Variants in DHX16 observed in about 807,000 individuals in gnomAD.
DHX16 encodes the protein pre-mRNA-splicing factor ATP-dependent RNA helicase DHX16.
DHX16 carries 81 observed loss-of-function variants against 131.2 expected under a neutral mutation model. The observed-to-expected ratio is 0.62, with a 90% CI of 0.52 to 0.74. The LOEUF (loss-of-function observed/expected upper bound fraction) is 0.74, where lower values mean the gene tolerates loss of function less well. Among genes scored for constraint, DHX16 ranks in the 30% least tolerant of loss-of-function variants. The pLI is 0.00. For synonymous variants in DHX16, 440 were observed against 520.2 expected (o/e 0.85, Z 2.10); for missense variants, 980 against 1,363.1 (o/e 0.72, Z 4.43).
chr6:30,663,139 G>A (rs1226581892), intron 7 of DHX16, 118 bp from the exon 8 acceptor site: 1 of 835,140 alleles, frequency 1.2e-6, no homozygotes, highest in Non-Finnish European at 1.9e-6. Context: ...GGAAAAGACA[G>A]ATGCTGAAAA....
chr6:30,654,559 A>C (rs1767777975), intron 19 of DHX16, 147 bp downstream of exon 19: 1 of 809,416 alleles, frequency 1.2e-6, no homozygotes. Context: ...CAAAAAAAAC[A>C]AAAAAAAACA....
chr6:30,653,400 CCTT>C, intron 19 of DHX16, 30 bp from the exon 20 acceptor site: 1 of 1,566,666 alleles, frequency 6.4e-7, no homozygotes. Flanking sequence ...AATGGAGTTC[CCTT>C]CTTTCCAACA....
Position 30,656,131 on chromosome 6 carries a change from G to A in DHX16, c.2498+67C>T, listed in dbSNP as rs1767955371. ...TGAACAGAAAAAGACAGACAAAGGG[G>A]ACCCTGGAGACAGAGGAGGCCTGGC... On this transcript the variant is annotated intron_variant, in intron 16 of 19. Transcript: ENST00000376442. The surrounding 1 kb of genome is among the most constrained non-coding windows in gnomAD (Gnocchi z 5.1). 7.6e-6 allele frequency: 11 copies of A among 1,450,872 alleles called. No individual in the cohort carries two copies. The highest frequency in any genetic ancestry group is 1.7e-5 in the Admixed American group (1 of 59,650). 89.9% of individuals were successfully genotyped at this position (1,450,872 alleles called of 1,614,324 possible).
chr6:30,660,255 T>G lies in DHX16; in HGVS notation c.1545-13A>C. The stretch of plus-strand genomic sequence containing the variant: ...CACCATCACCACGCTGGGGAGGGAA[T>G]AGGAGAGCAATGAGGGAAGAGCGCT... On this transcript the variant is annotated splice_polypyrimidine_tract_variant and intron_variant, in intron 9 of 19. Coordinates refer to ENST00000376442, the MANE Select transcript of DHX16 (RefSeq NM_003587.5). 6.6e-7 allele frequency: 1 copy of G among 1,519,586 alleles called. No individual in the cohort carries two copies. Among genetic ancestry groups the G allele is most frequent in the South Asian group, 1.3e-5 (1 of 75,912 alleles). The allele number at this position is 1,519,586 out of a possible 1,614,324, so 94.1% of individuals were successfully genotyped here.
At chr6:30,663,067 G>T in intron 7 of DHX16, 46 bp from the exon 8 acceptor site, 1 of 1,436,636 alleles carries the variant, frequency 7.0e-7, no homozygotes. Flanking sequence ...TACTAAATAT[G>T]CACCCTGGGA....
rs549353551 is a variant in DHX16, at chr6:30,661,184, G to A, written c.1545-942C>T. On this transcript the variant is annotated intron_variant, in intron 9 of 19. Transcript: ENST00000376442. ...GCTCCGCCTCCTGGGTTGCGTTCACGCCATTCTCCTGCCTCAGCCTCCTGA... is the reference window on the plus strand; with the variant it reads ...GCTCCGCCTCCTGGGTTGCGTTCACACCATTCTCCTGCCTCAGCCTCCTGA... Among the ~76,000 whole-genome samples, 5 of 151,858 alleles carry A rather than the reference G, an allele frequency of 3.3e-5. No homozygotes were observed. The Middle Eastern group carries it at 0.014, about 413-fold the overall frequency.
rs1768032310 is a variant in DHX16, at chr6:30,656,881, C to G, written c.2148+71G>C. The G allele has an allele frequency of 2.5e-6, 4 of 1,589,158 alleles. No individual in the cohort carries two copies. Among genetic ancestry groups the G allele is most frequent in the African/African-American group, 1.3e-5 (1 of 74,468 alleles). Reference sequence around the variant, plus strand: ...TCCCGGTTCCCTAGGAAGCCCCCACCCTGCTTCTGAGTTGGACCTTCTCTG... The same window carrying G: ...TCCCGGTTCCCTAGGAAGCCCCCACGCTGCTTCTGAGTTGGACCTTCTCTG... On this transcript the variant is annotated intron_variant, in intron 13 of 19. Transcript: ENST00000376442. The surrounding 1 kb of genome is among the most constrained non-coding windows in gnomAD (Gnocchi z 5.1).
Position 30,656,520 on chromosome 6 carries a change from GT to G in DHX16, c.2312-12del. Reference sequence around the variant, plus strand: ...TTAGGTCATGGATCCCTAGAAAGAGGTGTGATGGATGGAACAGAGTCCCTTC... The same window carrying G: ...TTAGGTCATGGATCCCTAGAAAGAGGGTGATGGATGGAACAGAGTCCCTTC... On this transcript the variant is annotated splice_polypyrimidine_tract_variant and intron_variant, in intron 14 of 19. Coordinates refer to ENST00000376442, the MANE Select transcript of DHX16 (RefSeq NM_003587.5). This position sits in a 1 kb window ranked among gnomAD's most constrained non-coding sequence, Gnocchi z 5.1. The G allele has an allele frequency of 6.2e-7, 1 of 1,614,126 alleles. No homozygotes were observed. Among genetic ancestry groups the G allele is most frequent in the East Asian group, 2.2e-5 (1 of 44,882 alleles).
Position 30,659,609 on chromosome 6 carries a change from C to T in DHX16, c.1870G>A (p.Ala624Thr). The T allele has an allele frequency of 1.9e-6, 3 of 1,613,958 alleles. No homozygotes were observed. The highest frequency in any genetic ancestry group is 2.5e-6 in the Non-Finnish European group (3 of 1,179,998). Residue 624 changes from alanine to threonine, a missense_variant, in exon 12 of 20, where the codon GCC becomes ACC. Transcript: ENST00000376442. ...CAGCGATCCTGGAGCATCTCACAGG[C>T]AGCCTCAATCTCCTCCTGGATAGAG... ...FLTGQEEIEAACEMLQDRCRR... is the reference protein window; with the variant it reads ...FLTGQEEIEATCEMLQDRCRR...
rs765546775 is a variant in DHX16 at position 30,672,670 on chromosome 6, G to C, written c.172C>G (p.Pro58Ala). The change falls in exon 1 of 20, where the codon CCG becomes GCG. Residue 58 changes from proline to alanine, a missense_variant. Coordinates refer to ENST00000376442, the MANE Select transcript of DHX16 (RefSeq NM_003587.5). ...AGTCTCAGGGCGAAGTCCCGGGCCG[G>C]CCCACTGAGATCCAAGGTATCAGTG... Reference protein sequence around the residue: ...RDTDTLDLSGPARDFALRLWN... With the variant: ...RDTDTLDLSGAARDFALRLWN... 1.1e-5 allele frequency: 17 copies of C among 1,612,714 alleles called. No individual in the cohort carries two copies. Among genetic ancestry groups the C allele is most frequent in the Non-Finnish European group, 3.4e-6 (4 of 1,179,838 alleles).
Position 30,662,790 on chromosome 6 carries a change from A to G in DHX16, c.1429-48T>C. Reference sequence around the variant, plus strand: ...ACCAAGTGTGGGCTGGTGTGCCCTGAAAGGAACTTGGGGAAAGGTGAAGTG... The same window carrying G: ...ACCAAGTGTGGGCTGGTGTGCCCTGGAAGGAACTTGGGGAAAGGTGAAGTG... On this transcript the variant is annotated intron_variant, in intron 8 of 19. Coordinates refer to ENST00000376442, the MANE Select transcript of DHX16 (RefSeq NM_003587.5). This position sits in a 1 kb window ranked among gnomAD's most constrained non-coding sequence, Gnocchi z 4.7. 1.3e-6 allele frequency: 2 copies of G among 1,591,860 alleles called. No individual in the cohort carries two copies. The highest frequency in any genetic ancestry group is 1.7e-6 in the Non-Finnish European group (2 of 1,162,384).
At chr6:30,660,788 A>T (rs907539246) in intron 9 of DHX16, among the ~76,000 whole-genome samples, 1 of 150,914 alleles carries the variant, frequency 6.6e-6, no homozygotes, top group Non-Finnish European at 1.5e-5. Context: ...AGGCTGAGGC[A>T]GGAGAATCGC....
At chr6:30,671,782 A>G (rs1769582382) in intron 1 of DHX16, among the ~76,000 whole-genome samples, 1 of 151,864 alleles carries the variant, frequency 6.6e-6, no homozygotes, top group Non-Finnish European at 1.5e-5. Context: ...TCTTGGGCTC[A>G]AGGGATCCTC....
At position 30,670,580 on chromosome 6, in the gene DHX16, C is replaced by A. The variant is rs973604310; in HGVS notation, c.610-114G>T. 7 of 1,283,456 alleles carry A rather than the reference C, an allele frequency of 5.5e-6. No homozygotes were observed. The African/African-American group carries it at 7.5e-5, about 14-fold the overall frequency. 79.5% of individuals were successfully genotyped at this position (1,283,456 alleles called of 1,614,324 possible). Reference sequence around the variant, plus strand: ...AGATGCGCCCTAACACAAAAAATGTCCCCTCTCAGTGAGGAATCTCTCTGA... The same window carrying A: ...AGATGCGCCCTAACACAAAAAATGTACCCTCTCAGTGAGGAATCTCTCTGA... On this transcript the variant is annotated intron_variant, in intron 3 of 19. Transcript: ENST00000376442. This position sits in a 1 kb window ranked among gnomAD's most constrained non-coding sequence, Gnocchi z 4.4.
At chr6:30,658,195 A>C (rs1184621094) in intron 12 of DHX16, among the ~76,000 whole-genome samples, 1 of 152,222 alleles carries the variant, frequency 6.6e-6, no homozygotes, top group Non-Finnish European at 1.5e-5. Flanking sequence ...ACTTGAGTCC[A>C]GGAGTTCAAG....
rs1479765999 is a variant in DHX16, at chr6:30,656,310, T to C, written c.2431-45A>G. 1.7e-5 allele frequency: 28 copies of C among 1,611,846 alleles called. No homozygotes were observed. Among genetic ancestry groups the C allele is most frequent in the Middle Eastern group, 1.6e-4 (1 of 6,082 alleles). On this transcript the variant is annotated intron_variant, in intron 15 of 19. Transcript: ENST00000376442. This position sits in a 1 kb window ranked among gnomAD's most constrained non-coding sequence, Gnocchi z 5.1. ...AGTTGAGCCCAGTCCTCCCTCAGGT[T>C]TCCCGCTACTACTACAGGGGTCCCT...
rs780637832 is a variant in DHX16 at position 30,662,761 on chromosome 6, A to C, written c.1429-19T>G. 3.4e-5 allele frequency: 55 copies of C among 1,609,202 alleles called. No individual in the cohort carries two copies. The Admixed American group carries it at 9.0e-4, about 26-fold the overall frequency. On this transcript the variant is annotated intron_variant, in intron 8 of 19. Coordinates refer to ENST00000376442, the MANE Select transcript of DHX16 (RefSeq NM_003587.5). The surrounding 1 kb of genome is among the most constrained non-coding windows in gnomAD (Gnocchi z 4.7). ...AGCCAACCTGGTCAAGGGAACCATTAGCAACCAAGTGTGGGCTGGTGTGCC... is the reference window on the plus strand; with the variant it reads ...AGCCAACCTGGTCAAGGGAACCATTCGCAACCAAGTGTGGGCTGGTGTGCC...
rs369004846 is a variant in DHX16 at position 30,655,640 on chromosome 6, T to C, written c.2499-43A>G. On this transcript the variant is annotated intron_variant, in intron 16 of 19. Transcript: ENST00000376442. ...AAGCATGAGTTCAAAGCAAGACACA[T>C]AGGAACAGATATGGTGGAGTGGGGA... is the stretch of plus-strand genomic sequence containing the variant. 10 of 1,604,274 alleles carry C rather than the reference T, an allele frequency of 6.2e-6. No individual in the cohort carries two copies. In the African/African-American group the frequency reaches 1.3e-4, roughly 21 times the overall value.
At chr6:30,654,963 T>C (rs1339513472) in intron 18 of DHX16, 84 bp from the exon 19 acceptor site, 3 of 1,477,448 alleles carry the variant, frequency 2.0e-6, no homozygotes, top group Non-Finnish European at 2.7e-6. Context: ...TAGTTCAGGC[T>C]TCAGGAAAAC....
Sources: gnomAD v4.1 joint callset for allele counts (sites outside exome capture counted in the v4.1 genomes callset) on GRCh38, gnomAD v4.1.1 for gene constraint, Gnocchi (gnomAD v3.1) non-coding constraint, MANE v1.5 for transcripts, NCBI Gene and HGNC (gene_info 2026-07-23, HGNC 2026-07-21) for gene names.